Variants in RBFOX1 observed in about 807,000 individuals in gnomAD.
RBFOX1 encodes the protein RNA binding fox-1 homolog 1, also known as RNA binding protein fox-1 homolog 1.
RBFOX1 carries 8 observed loss-of-function variants against 57.7 expected under a neutral mutation model. The observed-to-expected ratio is 0.14, with a 90% CI of 0.08 to 0.25. The LOEUF is 0.25. Among genes scored for constraint, RBFOX1 ranks in the 10% least tolerant of loss-of-function variants. The pLI, the probability that RBFOX1 is intolerant of heterozygous loss-of-function variation, is 1.00. For missense variants in RBFOX1, 611 were observed against 548.5 expected (o/e 1.11, Z -1.14); for synonymous variants, 326 against 222.4 (o/e 1.47, Z -4.15).
chr16:6,656,453 A>G (rs1452195349), intron 3 of RBFOX1, among the ~76,000 whole-genome samples: 1 of 152,106 alleles, frequency 6.6e-6, no homozygotes, highest in East Asian at 1.9e-4. Context: ...CACTCCACCT[A>G]TGTGAACTGC....
In RBFOX1 at chr16:6,519,537, C is replaced by G. The variant is rs374999156; in HGVS notation, c.-63-135066C>G. On this transcript the variant is annotated intron_variant, in intron 2 of 15. Transcript: ENST00000550418. Reference sequence around the variant, plus strand: ...CCAACATGACAAAACCCCGTCTGCACTAAAAATACAAAAATTAGCCAGGCG... The same window carrying G: ...CCAACATGACAAAACCCCGTCTGCAGTAAAAATACAAAAATTAGCCAGGCG... Among the ~76,000 whole-genome samples, 7 of 152,174 alleles carry G rather than the reference C, an allele frequency of 4.6e-5. No individual in the cohort carries two copies. The South Asian group carries it at 1.5e-3, about 32-fold the overall frequency.
intron 3 of RBFOX1, among the ~76,000 whole-genome samples, chr16:6,913,255 T>G (rs149920601): frequency 1.3e-5 from 2 of 152,184 alleles, no homozygotes; most frequent in African/African-American, 4.8e-5. Context: ...TTAACTGTTA[T>G]AAAGTAGCAC....
chr16:6,158,211 A>G (rs1232030587), intron 1 of RBFOX1, among the ~76,000 whole-genome samples: 1 of 152,204 alleles, frequency 6.6e-6, no homozygotes, highest in Non-Finnish European at 1.5e-5. Flanking sequence ...GATGCTTGCA[A>G]CTGTCCGGCG....
At chr16:6,052,707 C>A (rs1322998725) in intron 1 of RBFOX1, among the ~76,000 whole-genome samples, 1 of 151,736 alleles carries the variant, frequency 6.6e-6, no homozygotes, top group Non-Finnish European at 1.5e-5. Flanking sequence ...TGGCGTGAAC[C>A]CGGGAGGCGG....
Position 6,637,573 on chromosome 16 carries a change from G to GTATATATAGAATAGTCTATATAGTA in RBFOX1, c.-63-17022_-63-17021insGAATAGTCTATATAGTATATATATA, listed in dbSNP as rs1555636927. On this transcript the variant is annotated intron_variant, in intron 2 of 15. Transcript: ENST00000550418. Reference sequence around the variant, plus strand: ...CATAGTATATATAATATTCTATATAGTATATATATAATAGTCTATATATAT... The same window carrying GTATATATAGAATAGTCTATATAGTA: ...CATAGTATATATAATATTCTATATAGTATATATAGAATAGTCTATATAGTATATATATATAATAGTCTATATATAT... Among the ~76,000 whole-genome samples, 4 of 134,114 alleles carry GTATATATAGAATAGTCTATATAGTA rather than the reference G, an allele frequency of 3.0e-5. No homozygotes were observed. The East Asian group carries it at 8.6e-4, about 29-fold the overall frequency. 88.0% of individuals were successfully genotyped at this position (134,114 alleles called of 152,430 possible). A position where few individuals can be genotyped will look rare whatever the true frequency, so the allele number is the denominator to read the frequency against.
chr16:7,462,280 G>T (rs995159971), intron 4 of RBFOX1, among the ~76,000 whole-genome samples: 4 of 152,126 alleles, frequency 2.6e-5, no homozygotes, highest in Non-Finnish European at 5.9e-5. Flanking sequence ...GAAACACCCG[G>T]GGTCAGGAGT....
intron 2 of RBFOX1, among the ~76,000 whole-genome samples, chr16:5,575,990 T>TA (rs138291431): frequency 0.05 from 7,541 of 152,162 alleles, 648 homozygotes; most frequent in African/African-American, 0.17. Context: ...TTTCATCTTT[T>TA]TTTTTTCTTT....
At chr16:6,354,634 G>A (rs1236797390) in intron 2 of RBFOX1, among the ~76,000 whole-genome samples, 2 of 152,132 alleles carry the variant, frequency 1.3e-5, no homozygotes, top group South Asian at 4.1e-4. Context: ...CTAGCTGCAA[G>A]AGTCTTTCAT....
chr16:7,645,882 G>C (rs1356538756), intron 11 of RBFOX1, among the ~76,000 whole-genome samples: 1 of 151,866 alleles, frequency 6.6e-6, no homozygotes, highest in Non-Finnish European at 1.5e-5. Flanking sequence ...GACAAATTAA[G>C]TGGCCGTTTT....
chr16:7,535,158 T>C (rs2081180625), intron 5 of RBFOX1, among the ~76,000 whole-genome samples: 1 of 152,190 alleles, frequency 6.6e-6, no homozygotes. Context: ...AAATGTGATA[T>C]TCCTCAATAT....
chr16:5,595,756 C>G (rs1056418818), intron 2 of RBFOX1, among the ~76,000 whole-genome samples: 1 of 152,148 alleles, frequency 6.6e-6, no homozygotes, highest in African/African-American at 2.4e-5. Flanking sequence ...TTAATATGTG[C>G]TTGTCTCTGT....
intron 2 of RBFOX1, among the ~76,000 whole-genome samples, chr16:5,493,419 T>G (rs529312294): frequency 2.6e-5 from 4 of 152,216 alleles, no homozygotes; most frequent in African/African-American, 9.6e-5. Context: ...TTTCCTCCTG[T>G]GAAAAAGGCC....
intron 4 of RBFOX1, chr16:7,333,211 A>G (rs1376937323): frequency 1.2e-6 from 1 of 819,492 alleles, no homozygotes; most frequent in Non-Finnish European, 2.0e-6. Context: ...GTAGTCAGTG[A>G]GAAGACAGTA....
chr16:5,913,208 T>TG (rs1332460204), intron 4 of RBFOX1, among the ~76,000 whole-genome samples: 3 of 152,222 alleles, frequency 2.0e-5, no homozygotes, highest in African/African-American at 7.2e-5. Context: ...CACGGGTGCA[T>TG]GACACCATCT....
rs193091809 is a variant in RBFOX1 at position 5,492,241 on chromosome 16, T to G, written c.258+24987T>G. Among the ~76,000 whole-genome samples the G allele has an allele frequency of 3.9e-5, 6 of 152,330 alleles. No homozygotes were observed. In the East Asian group the frequency reaches 1.2e-3, roughly 29 times the overall value. On this transcript the variant is annotated intron_variant, in intron 2 of 2. Coordinates refer to the RBFOX1 transcript ENST00000585867. ...AGGCTGTTCAGTAAGTATTTGCTGA[T>G]GAGAGGAAACCCACAGGTCACAGGT...
In RBFOX1 at chr16:6,184,238, G is replaced by T. The variant is rs190571311; in HGVS notation, c.-126-132757G>T. Among the ~76,000 whole-genome samples, 542 of 152,272 alleles carry T rather than the reference G, an allele frequency of 3.6e-3. 4 individuals are homozygous for T. The highest frequency in any genetic ancestry group is 0.013 in the African/African-American group (524 of 41,566). ...TTATGGGAACTACAGTTCAAGATGA[G>T]ATTTGGGTGGGGACACAGCCAAACC... is the stretch of plus-strand genomic sequence containing the variant. On this transcript the variant is annotated intron_variant, in intron 1 of 15. Coordinates refer to ENST00000550418, the MANE Select transcript of RBFOX1 (RefSeq NM_018723.4).
At chr16:6,073,039 TATCTC>T (rs1331510417) in intron 1 of RBFOX1, among the ~76,000 whole-genome samples, 1 of 152,234 alleles carries the variant, frequency 6.6e-6, no homozygotes, top group East Asian at 1.9e-4. Context: ...TTTATGGACA[TATCTC>T]AGACACATTT....
chr16:5,818,154 G>C (rs2055712018), intron 3 of RBFOX1, among the ~76,000 whole-genome samples: 1 of 152,146 alleles, frequency 6.6e-6, no homozygotes, highest in South Asian at 2.1e-4. Context: ...CCTTAGCATT[G>C]TTACCAATCA....
intron 4 of RBFOX1, among the ~76,000 whole-genome samples, chr16:7,183,966 C>G (rs563279228): frequency 6.6e-6 from 1 of 152,156 alleles, no homozygotes; most frequent in East Asian, 1.9e-4. Context: ...GCAATGATGA[C>G]GTCATTAAAG....
Sources: gnomAD v4.1 joint callset for allele counts (sites outside exome capture counted in the v4.1 genomes callset) on GRCh38, gnomAD v4.1.1 for gene constraint, MANE v1.5 for transcripts, NCBI Gene and HGNC (gene_info 2026-07-23, HGNC 2026-07-21) for gene names.